TOPBP1: variants seen among roughly 807,000 people sequenced by gnomAD.
The protein encoded by TOPBP1 is DNA topoisomerase 2-binding protein 1.
A neutral mutation model predicts 167.7 loss-of-function variants in TOPBP1; 28 were observed. The ratio of observed to expected loss-of-function variants is 0.17; its 90% CI spans 0.12 to 0.23. The LOEUF (loss-of-function observed/expected upper bound fraction) is 0.23. Among genes scored for constraint, TOPBP1 ranks in the 10% least tolerant of loss-of-function variants. The pLI, the probability that TOPBP1 is intolerant of heterozygous loss-of-function variation, is 1.00. For missense variants in TOPBP1, 1,554 were observed against 1,809.6 expected (o/e 0.86, Z 2.56); for synonymous variants, 598 against 611.4 (o/e 0.98, Z 0.32).
intron 19 of TOPBP1, among the ~76,000 whole-genome samples, chr3:133,622,486 C>A (rs1002382231): frequency 6.6e-6 from 1 of 151,880 alleles, no homozygotes; most frequent in South Asian, 2.1e-4. Context: ...AGCCACCATG[C>A]CCAGCCTATG....
At chr3:133,634,591 AG>A (rs1369072432) in intron 14 of TOPBP1, among the ~76,000 whole-genome samples, 1 of 152,196 alleles carries the variant, frequency 6.6e-6, no homozygotes, top group African/African-American at 2.4e-5. Context: ...TCCAAAGACA[AG>A]TAATTTAATT....
Position 133,628,746 on chromosome 3 carries a change from AGGAGAGAGAGAGAT to A in TOPBP1, c.2521-27_2521-14del. The A allele has an allele frequency of 6.5e-7, 1 of 1,549,852 alleles. No homozygotes were observed. The highest frequency in any genetic ancestry group is 8.7e-7 in the Non-Finnish European group (1 of 1,145,868). ...CTGCAAGTGCATCCTATACATATGA[AGGAGAGAGAGAGAT>A]GGAGAAAAGAAGAGAGAGAGAGAGA... On this transcript the variant is annotated splice_polypyrimidine_tract_variant and intron_variant, in intron 14 of 27. Coordinates refer to ENST00000260810, the MANE Select transcript of TOPBP1 (RefSeq NM_007027.4).
chr3:133,638,823 C>T (rs948920872), intron 13 of TOPBP1, among the ~76,000 whole-genome samples: 6 of 152,138 alleles, frequency 3.9e-5, no homozygotes, highest in Admixed American at 2.0e-4. Flanking sequence ...GATAGCTACT[C>T]CATGCCAGGC....
At chr3:133,639,784 A>G (rs1263652255) in intron 13 of TOPBP1, among the ~76,000 whole-genome samples, 175 bp downstream of exon 13, 1 of 152,184 alleles carries the variant, frequency 6.6e-6, no homozygotes, top group Non-Finnish European at 1.5e-5. Context: ...GAAAGAATCA[A>G]CAGTAAATAG....
Position 133,638,004 on chromosome 3 carries a change from G to A in TOPBP1, c.2392C>T (p.His798Tyr), listed in dbSNP as rs1031716164. The A allele has an allele frequency of 6.2e-7, 1 of 1,613,882 alleles. No homozygotes were observed. The highest frequency in any genetic ancestry group is 1.3e-5 in the African/African-American group (1 of 74,920). ...SKAFRAVVSQHARQVAASPAV... is the reference protein window; with the variant it reads ...SKAFRAVVSQYARQVAASPAV... ...GGGGAGGCTGCGACCTGTCTGGCAT[G>A]TTGTGAGACCACAGCACGGAAAGCT... is the stretch of plus-strand genomic sequence containing the variant. The change falls in exon 14 of 28, where the codon CAT becomes TAT. Residue 798 changes from histidine to tyrosine, a missense_variant. Transcript: ENST00000260810.
At position 133,661,056 on chromosome 3, in the gene TOPBP1, A is replaced by G. The variant is rs778900877; in HGVS notation, c.72T>C (p.Phe24=). The G allele has an allele frequency of 6.3e-7, 1 of 1,586,690 alleles. No individual in the cohort carries two copies. The highest frequency in any genetic ancestry group is 8.5e-7 in the Non-Finnish European group (1 of 1,170,932). The change falls in exon 2 of 28, where the codon TTT becomes TTC. Residue 24 remains phenylalanine (F), a synonymous_variant. Coordinates refer to ENST00000260810, the MANE Select transcript of TOPBP1 (RefSeq NM_007027.4). ...TTTCAACTCTTACCTCGAGAGCTTT[A>G]AAAAAACATTTGGAATTGTCTGAAG... ...LKSSDNSKCF[F]KALESIKEFQ...
intron 23 of TOPBP1, among the ~76,000 whole-genome samples, chr3:133,614,612 T>C (rs1934800086): frequency 6.6e-6 from 1 of 152,190 alleles, no homozygotes; most frequent in Non-Finnish European, 1.5e-5. Context: ...AGATCAATTC[T>C]CTGCTAATTG....
intron 8 of TOPBP1, among the ~76,000 whole-genome samples, chr3:133,651,865 A>G (rs1244041216): frequency 6.6e-6 from 1 of 152,208 alleles, no homozygotes. Context: ...TTTTATATAT[A>G]TATTAACACA....
chr3:133,628,733 C>G lies in TOPBP1; in HGVS notation c.2521G>C (p.Asp841His). The G allele has an allele frequency of 6.4e-7, 1 of 1,550,762 alleles. No homozygotes were observed. The highest frequency in any genetic ancestry group is 1.2e-5 in the South Asian group (1 of 83,988). The change falls in exon 15 of 28, where the codon GAT becomes CAT. Residue 841 changes from aspartate (D) to histidine (H), a missense_variant and splice_region_variant. Physicochemically the swap from Asp to His is moderately conservative, Grantham distance 81. Transcript: ENST00000260810. ...GGAGTTTCCAAGGCTGCAAGTGCAT[C>G]CTATACATATGAAGGAGAGAGAGAG... is the stretch of plus-strand genomic sequence containing the variant. ...KLFKPSFDVK[D>H]ALAALETPGR...
chr3:133,650,378 A>AG (rs536511825), intron 8 of TOPBP1, among the ~76,000 whole-genome samples: 12 of 59,022 alleles, frequency 2.0e-4, no homozygotes, highest in African/African-American at 7.0e-4. Flanking sequence ...GGGCGGGGGG[A>AG]GGGGTTGTTT....
chr3:133,630,330 G>A (rs1935427425), intron 14 of TOPBP1, among the ~76,000 whole-genome samples: 1 of 146,170 alleles, frequency 6.8e-6, no homozygotes, highest in Admixed American at 6.9e-5. Flanking sequence ...ATGGAGTCCT[G>A]CTTTGTCACC....
At position 133,616,797 on chromosome 3, in the gene TOPBP1, A is replaced by C. The variant is rs1188715750; in HGVS notation, c.3871+17T>G. 2 of 1,414,434 alleles carry C rather than the reference A, an allele frequency of 1.4e-6. No individual in the cohort carries two copies. Among genetic ancestry groups the C allele is most frequent in the Non-Finnish European group, 1.9e-6 (2 of 1,058,012 alleles). The allele number at this position is 1,414,434 out of a possible 1,614,324, so 87.6% of individuals were successfully genotyped here. A position where few individuals can be genotyped will look rare whatever the true frequency, so the allele number is the denominator to read the frequency against. ...TTATTATATGGGACATTTTGGATTT[A>C]AGTAAAATACTGGTACCTAGTTTCT... On this transcript the variant is annotated intron_variant, in intron 23 of 27. Transcript: ENST00000260810.
At chr3:133,628,285 T>G in intron 16 of TOPBP1, 77 bp downstream of exon 16, 1 of 1,281,246 alleles carries the variant, frequency 7.8e-7, no homozygotes, top group Non-Finnish European at 1.1e-6. Flanking sequence ...TGTATTCTTG[T>G]AGATGCTCAC....
At chr3:133,619,111 C>CAAAAAAAAAAAAAAAAAAAAAAAAAAAAA (rs71136485) in intron 20 of TOPBP1, among the ~76,000 whole-genome samples, 1 of 103,528 alleles carries the variant, frequency 9.7e-6, no homozygotes, top group African/African-American at 3.6e-5. Context: ...TGTGGAGAAG[C>CAAAAAAAAAAAAAAAAAAAAAAAAAAAAA]AAAAAAAAAA....
rs1175244394 is a variant in TOPBP1 at position 133,616,824 on chromosome 3, A to T, written c.3861T>A (p.Ile1287=). 6.6e-7 allele frequency: 1 copy of T among 1,516,472 alleles called. No homozygotes were observed. The highest frequency in any genetic ancestry group is 2.4e-5 in the East Asian group (1 of 41,892). 93.9% of individuals were successfully genotyped at this position (1,516,472 alleles called of 1,614,324 possible). Residue 1287 remains isoleucine, a synonymous_variant, in exon 23 of 28, where the codon ATT becomes ATA. Transcript: ENST00000260810. ...PQERIDYCHL[I]EKLGGLVIEK... is the part of the protein sequence containing the mutation. The stretch of plus-strand genomic sequence containing the variant: ...GTAAAATACTGGTACCTAGTTTCTC[A>T]ATCAGATGACAATAGTCAATACGTT...
chr3:133,625,680 G>C (rs1175957391), intron 16 of TOPBP1, among the ~76,000 whole-genome samples: 9 of 151,374 alleles, frequency 5.9e-5, no homozygotes, highest in Non-Finnish European at 1.2e-4. Context: ...GTGGTGAGTC[G>C]AGATTATGTC....
At chr3:133,634,614 A>G (rs1935605189) in intron 14 of TOPBP1, among the ~76,000 whole-genome samples, 1 of 152,246 alleles carries the variant, frequency 6.6e-6, no homozygotes, top group South Asian at 2.1e-4. Context: ...GATTGGCATC[A>G]GATTTTTTTT....
At chr3:133,602,227 A>T (rs1934329759) in intron 27 of TOPBP1, among the ~76,000 whole-genome samples, 1 of 152,224 alleles carries the variant, frequency 6.6e-6, no homozygotes, top group Non-Finnish European at 1.5e-5. Flanking sequence ...AACAGAAACA[A>T]TGGAGGCCAG....
intron 14 of TOPBP1, among the ~76,000 whole-genome samples, chr3:133,631,009 T>C (rs779723006): frequency 5.9e-5 from 9 of 152,086 alleles, no homozygotes; most frequent in Non-Finnish European, 1.2e-4. Context: ...CTGAGCAACA[T>C]GGTGAGACTC....
Sources: gnomAD v4.1 joint callset for allele counts (sites outside exome capture counted in the v4.1 genomes callset) on GRCh38, gnomAD v4.1.1 for gene constraint, MANE v1.5 for transcripts, NCBI Gene and HGNC (gene_info 2026-07-23, HGNC 2026-07-21) for gene names.